Variants in TENM3 observed in about 807,000 individuals in gnomAD.
The protein encoded by TENM3 is teneurin transmembrane protein 3.
Under a neutral mutation model 255.1 loss-of-function variants are expected in TENM3, and 63 were observed. The ratio of observed to expected loss-of-function variants is 0.25; its 90% CI spans 0.20 to 0.30. The LOEUF is 0.30. Among genes scored for constraint, TENM3 ranks in the 10% least tolerant of loss-of-function variants. TENM3 has a pLI of 1.00. For missense variants in TENM3, 2,929 were observed against 3,461.1 expected, an observed-to-expected ratio of 0.85 and a Z score of 3.86; for synonymous variants, 1,306 against 1,322.3, an observed-to-expected ratio of 0.99 and a Z score of 0.27.
Position 182,250,166 on chromosome 4 carries a change from C to A in TENM3, c.-76+6690C>A, listed in dbSNP as rs1757919091. 4.6e-5 allele frequency among the ~76,000 whole-genome samples: 7 copies of A among 150,780 alleles called. 1 individual carries two copies. In the South Asian group the frequency reaches 1.3e-3, roughly 27 times the overall value. ...CTCCTGGGTTCACGCCATTCTCCTG[C>A]CTCAGCCTCCCGAGTAGCTGGGACC... On this transcript the variant is annotated intron_variant, in intron 1 of 27. Transcript: ENST00000511685.
intron 1 of TENM3, among the ~76,000 whole-genome samples, chr4:182,159,484 G>C (rs796910185): frequency 2.2e-5 from 3 of 137,158 alleles, no homozygotes; most frequent in Admixed American, 1.5e-4. Context: ...GTGTGTGTGT[G>C]TATCAGGATG....
At chr4:182,668,038 A>G (rs1292811785) in intron 6 of TENM3, among the ~76,000 whole-genome samples, 3 of 152,100 alleles carry the variant, frequency 2.0e-5, no homozygotes, top group Non-Finnish European at 4.4e-5. Context: ...AGTTCATTAA[A>G]AAGGTTATCT....
the TENM3 span, among the ~76,000 whole-genome samples, chr4:182,066,599 A>AAAATATATATATAT: frequency 3.6e-5 from 5 of 137,104 alleles, no homozygotes; most frequent in African/African-American, 1.1e-4. Flanking sequence ...GTAAAAAAAA[A>AAAATATATATATAT]ATATATATAT....
At chr4:181,488,625 A>G in the TENM3 span, among the ~76,000 whole-genome samples, 3 of 152,042 alleles carry the variant, frequency 2.0e-5, no homozygotes, top group African/African-American at 7.2e-5. Context: ...AAAAAACTGC[A>G]TATTTTGACC....
intron 3 of TENM3, among the ~76,000 whole-genome samples, chr4:182,570,871 A>C (rs1046327279): frequency 6.6e-6 from 1 of 151,712 alleles, no homozygotes; most frequent in Non-Finnish European, 1.5e-5. Flanking sequence ...AGAGCCAATG[A>C]GCAAACTATG....
Position 182,610,015 on chromosome 4 carries a change from G to C in TENM3, c.749+8854G>C, listed in dbSNP as rs552935751. On this transcript the variant is annotated intron_variant, in intron 4 of 27. Coordinates refer to ENST00000511685, the MANE Select transcript of TENM3 (RefSeq NM_001080477.4). ...AGAACTTACATGTTAATTAATTTTT[G>C]TGACAATTAGGTAGCTTTTTACCTT... Among the ~76,000 whole-genome samples the C allele has an allele frequency of 2.0e-5, 3 of 152,310 alleles. No homozygotes were observed. The South Asian group carries it at 6.2e-4, about 32-fold the overall frequency.
chr4:182,761,737 T>G (rs1164619218), intron 22 of TENM3, among the ~76,000 whole-genome samples: 1 of 152,204 alleles, frequency 6.6e-6, no homozygotes. Flanking sequence ...GCAAGAGAGT[T>G]TATCAGCAGA....
chr4:182,385,300 T>G (rs1767840326), intron 3 of TENM3, among the ~76,000 whole-genome samples: 1 of 135,428 alleles, frequency 7.4e-6, no homozygotes, highest in Admixed American at 9.0e-5. Context: ...CGTCTCGCTC[T>G]GTCACTCACA....
At chr4:181,626,517 G>A in the TENM3 span, among the ~76,000 whole-genome samples, 1 of 151,992 alleles carries the variant, frequency 6.6e-6, no homozygotes, top group East Asian at 1.9e-4. Flanking sequence ...CAATCATGGC[G>A]GAAGGGGAAG....
the TENM3 span, among the ~76,000 whole-genome samples, chr4:182,034,585 A>G: frequency 1.3e-5 from 2 of 152,106 alleles, no homozygotes; most frequent in Non-Finnish European, 2.9e-5. Context: ...CCTGGTGGTG[A>G]TGAATTCCCT....
At position 182,283,514 on chromosome 4, in the gene TENM3, G is replaced by A. The variant is rs1394376314; in HGVS notation, c.-76+40038G>A. 3.9e-5 allele frequency among the ~76,000 whole-genome samples: 6 copies of A among 152,240 alleles called. 1 individual carries two copies. The South Asian group carries it at 8.3e-4, about 21-fold the overall frequency. ...CCTTTATCAGGCCATCCGACTCCAC[G>A]GTACACTTTCTAGGATAAAGATATA... On this transcript the variant is annotated intron_variant, in intron 1 of 27. Transcript: ENST00000511685.
chr4:181,728,442 T>C, the TENM3 span, among the ~76,000 whole-genome samples: 1 of 152,188 alleles, frequency 6.6e-6, no homozygotes, highest in East Asian at 1.9e-4. Flanking sequence ...AAGGAGTGAA[T>C]TATTCATGAG....
At chr4:182,430,505 G>T (rs551957680) in intron 3 of TENM3, among the ~76,000 whole-genome samples, 1 of 152,152 alleles carries the variant, frequency 6.6e-6, no homozygotes, top group African/African-American at 2.4e-5. Flanking sequence ...CCAAGATTGT[G>T]CCACTGCACT....
At chr4:181,601,620 A>G in the TENM3 span, among the ~76,000 whole-genome samples, 1 of 152,168 alleles carries the variant, frequency 6.6e-6, no homozygotes, top group East Asian at 1.9e-4. Flanking sequence ...GAGTATTTAT[A>G]TATATTTCTG....
At chr4:182,117,547 A>G in the TENM3 span, among the ~76,000 whole-genome samples, 1 of 152,198 alleles carries the variant, frequency 6.6e-6, no homozygotes, top group South Asian at 2.1e-4. Context: ...GCATTATTGA[A>G]AAGAATATCT....
rs1234986223 is a variant in TENM3, at chr4:182,800,313, A to G, written c.8062A>G (p.Ile2688Val). Residue 2688 changes from isoleucine (I) to valine (V), a missense_variant, in exon 28 of 28, where the codon ATC becomes GTC. Ile to Val is a conservative substitution (Grantham distance 29, BLOSUM62 3). Transcript: ENST00000511685. The stretch of plus-strand genomic sequence containing the variant: ...CGAGCTGGCCGACAGCGCCAACAAC[A>G]TCCAGTTCCTGCGGCAGAGCGAGAT... ...YPELADSANN[I>V]QFLRQSEIGR... The G allele has an allele frequency of 1.9e-6, 3 of 1,593,100 alleles. No homozygotes were observed. Among genetic ancestry groups the G allele is most frequent in the Non-Finnish European group, 2.5e-6 (3 of 1,177,860 alleles).
chr4:182,162,421 C>G (rs1751413671), intron 1 of TENM3, among the ~76,000 whole-genome samples: 1 of 152,100 alleles, frequency 6.6e-6, no homozygotes, highest in African/African-American at 2.4e-5. Context: ...CAAACTAACA[C>G]TGTGAGCTAG....
At chr4:181,457,976 A>G in the TENM3 span, among the ~76,000 whole-genome samples, 1 of 151,916 alleles carries the variant, frequency 6.6e-6, no homozygotes, top group Non-Finnish European at 1.5e-5. Context: ...AAGTATACCT[A>G]TGCATTGCTT....
At chr4:182,382,234 T>C (rs2150927476) in intron 3 of TENM3, among the ~76,000 whole-genome samples, 1 of 152,278 alleles carries the variant, frequency 6.6e-6, no homozygotes, top group African/African-American at 2.4e-5. Context: ...TCTTCATTAT[T>C]TATAAGAAGA....
Sources: allele counts gnomAD v4.1 joint callset (sites outside exome capture counted in the v4.1 genomes callset), GRCh38; gene constraint gnomAD v4.1.1; transcripts MANE v1.5; gene names NCBI Gene and HGNC (gene_info 2026-07-23, HGNC 2026-07-21).